Variants in REDIC1 observed in about 807,000 individuals in gnomAD.
The protein encoded by REDIC1 is HEI10 Interacting Protein 1.
At chr12:39,862,456 G>A in the REDIC1 span, among the ~76,000 whole-genome samples, 2 of 152,120 alleles carry the variant, frequency 1.3e-5, no homozygotes, top group Non-Finnish European at 2.9e-5. Flanking sequence ...ACTTTTATTA[G>A]GCAGAACCAT....
chr12:39,826,805 A>T, the REDIC1 span, among the ~76,000 whole-genome samples: 1 of 150,384 alleles, frequency 6.6e-6, no homozygotes, highest in Non-Finnish European at 1.5e-5. Flanking sequence ...AACTTTCAGT[A>T]TAATTGAAAA....
the REDIC1 span, among the ~76,000 whole-genome samples, chr12:39,681,065 A>G: frequency 6.6e-6 from 1 of 152,128 alleles, no homozygotes; most frequent in South Asian, 2.1e-4. Flanking sequence ...TGAAGTCAGG[A>G]GTTTGAGACC....
chr12:39,696,673 A>T, the REDIC1 span, among the ~76,000 whole-genome samples: 76 of 152,040 alleles, frequency 5.0e-4, 2 homozygotes, highest in South Asian at 0.014. Context: ...GTGAAATTCA[A>T]GATAACAAAG....
At chr12:39,702,989 CA>C in the REDIC1 span, among the ~76,000 whole-genome samples, 1 of 152,114 alleles carries the variant, frequency 6.6e-6, no homozygotes, top group African/African-American at 2.4e-5. Context: ...ACTGAATGGG[CA>C]AAAACTGGAA....
chr12:39,801,535 C>T, the REDIC1 span, among the ~76,000 whole-genome samples: 3 of 151,982 alleles, frequency 2.0e-5, no homozygotes, highest in East Asian at 5.8e-4. Context: ...GGAAATATTC[C>T]ATTTAAGATT....
At chr12:39,832,562 T>G in the REDIC1 span, among the ~76,000 whole-genome samples, 4 of 152,192 alleles carry the variant, frequency 2.6e-5, no homozygotes, top group African/African-American at 9.6e-5. Context: ...CTTTTCCTGC[T>G]TGCTTATTAA....
the REDIC1 span, among the ~76,000 whole-genome samples, chr12:39,895,551 T>TACAC: frequency 3.0e-3 from 198 of 66,726 alleles, 23 homozygotes; most frequent in African/African-American, 9.4e-3. Flanking sequence ...TATATATATA[T>TACAC]ACACACACAC....
the REDIC1 span, among the ~76,000 whole-genome samples, chr12:39,699,445 G>T: frequency 2.6e-5 from 4 of 152,234 alleles, no homozygotes; most frequent in African/African-American, 7.2e-5. Flanking sequence ...GGCTCAGAGG[G>T]TCCTACGCCC....
chr12:39,725,328 G>A, the REDIC1 span, among the ~76,000 whole-genome samples: 3 of 152,138 alleles, frequency 2.0e-5, no homozygotes, highest in East Asian at 1.9e-4. Context: ...CTGCTCTGTA[G>A]GATTTGGTGA....
At chr12:39,696,158 A>C in the REDIC1 span, among the ~76,000 whole-genome samples, 1 of 152,108 alleles carries the variant, frequency 6.6e-6, no homozygotes, top group Non-Finnish European at 1.5e-5. Context: ...TGAAGACTGC[A>C]ATAAATAGCT....
At chr12:39,788,129 T>C in the REDIC1 span, among the ~76,000 whole-genome samples, 1 of 152,164 alleles carries the variant, frequency 6.6e-6, no homozygotes, top group South Asian at 2.1e-4. Context: ...GTTGTTCACC[T>C]TTATATGTGA....
the REDIC1 span, chr12:39,692,015 C>A: frequency 6.6e-7 from 1 of 1,516,096 alleles, no homozygotes; most frequent in South Asian, 1.2e-5. Flanking sequence ...ATTATGTATA[C>A]TTAGGAATTG....
the REDIC1 span, among the ~76,000 whole-genome samples, chr12:39,896,217 T>C: frequency 6.8e-6 from 1 of 147,968 alleles, no homozygotes; most frequent in Non-Finnish European, 1.5e-5. Flanking sequence ...TGTATATACG[T>C]ATACATATAT....
the REDIC1 span, among the ~76,000 whole-genome samples, chr12:39,666,215 C>A: frequency 6.6e-6 from 1 of 152,092 alleles, no homozygotes; most frequent in Non-Finnish European, 1.5e-5. Context: ...TCATAAATAG[C>A]TCTTATTATT....
At chr12:39,847,485 T>G in the REDIC1 span, among the ~76,000 whole-genome samples, 431 of 152,234 alleles carry the variant, frequency 2.8e-3, 1 homozygote, top group Non-Finnish European at 4.9e-3. Flanking sequence ...GGGAGCTGAT[T>G]CAGCTGGGAA....
chr12:39,713,034 TA>T, the REDIC1 span, among the ~76,000 whole-genome samples: 1 of 142,628 alleles, frequency 7.0e-6, no homozygotes, highest in East Asian at 2.0e-4. Flanking sequence ...CGTGTATATG[TA>T]TATATACATG....
the REDIC1 span, among the ~76,000 whole-genome samples, chr12:39,713,756 T>G: frequency 6.7e-6 from 1 of 149,458 alleles, no homozygotes; most frequent in Admixed American, 6.7e-5. Flanking sequence ...TATACATGTA[T>G]ACACGTATAT....
the REDIC1 span, among the ~76,000 whole-genome samples, chr12:39,647,157 T>G: frequency 1.3e-5 from 2 of 152,048 alleles, no homozygotes; most frequent in Non-Finnish European, 2.9e-5. Flanking sequence ...CCAAGGACAG[T>G]TCACTTAGGG....
the REDIC1 span, among the ~76,000 whole-genome samples, chr12:39,769,426 A>ATTCTT: frequency 6.6e-6 from 1 of 152,128 alleles, no homozygotes; most frequent in Admixed American, 6.6e-5. Context: ...AACAACTGGA[A>ATTCTT]TTCTTTTAAA....
Sources: allele counts gnomAD v4.1 joint callset (sites outside exome capture counted in the v4.1 genomes callset), GRCh38; gene constraint gnomAD v4.1.1; transcripts MANE v1.5; gene names NCBI Gene and HGNC (gene_info 2026-07-23, HGNC 2026-07-21).